The following BTBD10 variants were observed in gnomAD, a reference collection of about 807,000 sequenced individuals.
BTBD10 encodes the protein BTB/POZ domain-containing protein 10.
Under a neutral mutation model 53.2 loss-of-function variants are expected in BTBD10, and 21 were observed. That is an observed-to-expected ratio of 0.39 (90% confidence interval 0.28 to 0.57). The LOEUF is 0.57. BTBD10 is among the 20% of genes least tolerant of loss of function. The pLI, the probability that BTBD10 is intolerant of heterozygous loss-of-function variation, is 0.53. For synonymous variants in BTBD10, 149 were observed against 192.7 expected, an observed-to-expected ratio of 0.77 and a Z score of 1.88; for missense variants, 360 against 594.7, an observed-to-expected ratio of 0.61 and a Z score of 4.10.
intron 2 of BTBD10, among the ~76,000 whole-genome samples, chr11:13,443,377 T>C (rs1474267591): frequency 6.6e-6 from 1 of 152,180 alleles, no homozygotes. Flanking sequence ...TTTTTATTAA[T>C]TTTTCCCACT....
At chr11:13,443,071 G>A (rs1486400703) in intron 2 of BTBD10, among the ~76,000 whole-genome samples, 1 of 151,706 alleles carries the variant, frequency 6.6e-6, no homozygotes, top group African/African-American at 2.4e-5. Flanking sequence ...CCTAAATACT[G>A]CTGCAGTCTA....
chr11:13,391,488 AAAT>A (rs1949404085), intron 8 of BTBD10, among the ~76,000 whole-genome samples: 3 of 152,226 alleles, frequency 2.0e-5, no homozygotes, highest in African/African-American at 7.2e-5. Flanking sequence ...TCTCTGACCT[AAAT>A]AATGAGTTCC....
rs559254350 is a variant in BTBD10, at chr11:13,456,092, C to T, written c.-58+7000G>A. Among the ~76,000 whole-genome samples the T allele has an allele frequency of 9.9e-5, 15 of 152,260 alleles. No homozygotes were observed. The South Asian group carries it at 3.1e-3, about 32-fold the overall frequency. ...TTTGCCCTGAGACAAAACACTTGCT[C>T]ACAAAGAAACATTTTACACATCTTT... On this transcript the variant is annotated intron_variant, in intron 1 of 8. Coordinates refer to ENST00000278174, the MANE Select transcript of BTBD10 (RefSeq NM_032320.7).
chr11:13,427,078 G>A (rs1326031836), intron 2 of BTBD10, among the ~76,000 whole-genome samples: 1 of 152,106 alleles, frequency 6.6e-6, no homozygotes, highest in African/African-American at 2.4e-5. Context: ...TTAGCTGGGT[G>A]TGGTGGCACA....
chr11:13,408,337 C>T (rs1380178637), intron 6 of BTBD10, among the ~76,000 whole-genome samples: 1 of 152,182 alleles, frequency 6.6e-6, no homozygotes, highest in African/African-American at 2.4e-5. Flanking sequence ...GCAGCCAAAT[C>T]TAATTGTCTC....
chr11:13,403,373 T>G (rs1949751582), intron 7 of BTBD10, 95 bp from the exon 8 acceptor site: 1 of 616,188 alleles, frequency 1.6e-6, no homozygotes, highest in African/African-American at 2.0e-5. Context: ...CTAACAGTCC[T>G]AAAAGCCCAA....
intron 2 of BTBD10, among the ~76,000 whole-genome samples, chr11:13,434,198 T>G (rs550786939): frequency 6.6e-6 from 1 of 152,164 alleles, no homozygotes; most frequent in Admixed American, 6.6e-5. Flanking sequence ...TAAAATCCCA[T>G]TGCAGCAGCA....
intron 2 of BTBD10, among the ~76,000 whole-genome samples, chr11:13,424,748 C>T (rs11022817): frequency 0.44 from 66,401 of 151,862 alleles, 16,311 homozygotes; most frequent in South Asian, 0.62. Context: ...ACCCAAGAAA[C>T]CAAACGGAAT....
In BTBD10 at chr11:13,429,764, C is replaced by T. The variant is rs1378134402; in HGVS notation, c.102-7926G>A. On this transcript the variant is annotated intron_variant, in intron 2 of 8. Coordinates refer to ENST00000278174, the MANE Select transcript of BTBD10 (RefSeq NM_032320.7). ...ATAAAAGAGCAAACCGACAACTGAA[C>T]TTCATCAAAATTAAAAACTTTTGAT... Among the ~76,000 whole-genome samples the T allele has an allele frequency of 2.6e-5, 4 of 152,118 alleles. No individual in the cohort carries two copies. The East Asian group carries it at 7.7e-4, about 29-fold the overall frequency.
At chr11:13,440,286 T>A in intron 2 of BTBD10, 1 of 1,177,232 alleles carries the variant, frequency 8.5e-7, no homozygotes, top group South Asian at 1.9e-5. Context: ...GTGTGAGCTG[T>A]GATCGTCCCA....
intron 2 of BTBD10, among the ~76,000 whole-genome samples, chr11:13,443,197 T>C (rs991232870): frequency 3.3e-5 from 5 of 151,092 alleles, no homozygotes; most frequent in Non-Finnish European, 7.4e-5. Context: ...GAGGTTGCAG[T>C]AAGTTGAGAT....
At chr11:13,414,456 C>A (rs994126298) in intron 5 of BTBD10, among the ~76,000 whole-genome samples, 1 of 152,084 alleles carries the variant, frequency 6.6e-6, no homozygotes, top group Non-Finnish European at 1.5e-5. Flanking sequence ...AAGTTCAAGA[C>A]CAGCCTGGCT....
chr11:13,457,270 T>C (rs985253955), intron 1 of BTBD10, among the ~76,000 whole-genome samples: 24 of 152,224 alleles, frequency 1.6e-4, no homozygotes, highest in African/African-American at 5.5e-4. Flanking sequence ...ATACACTTAC[T>C]AGTCCTACTT....
intron 1 of BTBD10, among the ~76,000 whole-genome samples, chr11:13,458,574 T>C (rs1951022096): frequency 6.6e-6 from 1 of 152,176 alleles, no homozygotes; most frequent in African/African-American, 2.4e-5. Context: ...TTGATCAAAA[T>C]CAGTTAAGGG....
intron 1 of BTBD10, among the ~76,000 whole-genome samples, chr11:13,449,295 C>T (rs915446503): frequency 7.9e-5 from 12 of 152,108 alleles, no homozygotes; most frequent in African/African-American, 2.4e-4. Flanking sequence ...TTTTCACTAT[C>T]GAAGTTCTAG....
chr11:13,452,822 C>T (rs1325014423), intron 1 of BTBD10, among the ~76,000 whole-genome samples: 2 of 152,278 alleles, frequency 1.3e-5, no homozygotes, highest in East Asian at 3.9e-4. Flanking sequence ...ATTATTTTAA[C>T]CATCAAACTG....
At chr11:13,439,003 C>T (rs1201738095) in intron 2 of BTBD10, among the ~76,000 whole-genome samples, 1 of 151,886 alleles carries the variant, frequency 6.6e-6, no homozygotes, top group Non-Finnish European at 1.5e-5. Context: ...ATAAGATGAC[C>T]ATTCAAACTT....
At chr11:13,450,063 T>G (rs1415028017) in intron 1 of BTBD10, among the ~76,000 whole-genome samples, 2 of 152,172 alleles carry the variant, frequency 1.3e-5, no homozygotes, top group Non-Finnish European at 2.9e-5. Flanking sequence ...AGACAAAATA[T>G]TTCAAGTGTA....
intron 1 of BTBD10, chr11:13,462,550 A>C (rs1465656541): frequency 6.6e-6 from 1 of 152,284 alleles, no homozygotes; most frequent in Non-Finnish European, 1.5e-5. Context: ...TAAGGGTGTC[A>C]GGGCACCTGC....
Sources: gnomAD v4.1 joint callset for allele counts (sites outside exome capture counted in the v4.1 genomes callset) on GRCh38, gnomAD v4.1.1 for gene constraint, MANE v1.5 for transcripts, NCBI Gene and HGNC (gene_info 2026-07-23, HGNC 2026-07-21) for gene names.